Variants in NOSTRIN observed in about 807,000 individuals in gnomAD.
NOSTRIN encodes the protein BM247 homolog.
A neutral mutation model predicts 59.0 loss-of-function variants in NOSTRIN; 63 were observed. That is an observed-to-expected ratio of 1.07 (90% CI 0.87 to 1.32). The LOEUF (loss-of-function observed/expected upper bound fraction) is 1.32, where lower values mean the gene tolerates loss of function less well. Among genes scored for constraint, NOSTRIN ranks in the 40% most tolerant of loss-of-function variants. NOSTRIN has a pLI of 0.00. For missense variants in NOSTRIN, 512 were observed against 473.1 expected, an observed-to-expected ratio of 1.08 and a Z score of -0.76; for synonymous variants, 200 against 165.4, an observed-to-expected ratio of 1.21 and a Z score of -1.61.
intron 11 of NOSTRIN, chr2:168,855,929 G>A (rs1217214181): frequency 2.2e-6 from 1 of 447,566 alleles, no homozygotes; most frequent in Admixed American, 2.4e-5. Flanking sequence ...AAGCAACAAG[G>A]ATGACAAAAA....
intron 2 of NOSTRIN, among the ~76,000 whole-genome samples, chr2:168,822,819 GA>G: frequency 6.6e-6 from 1 of 152,300 alleles, no homozygotes; most frequent in Middle Eastern, 3.4e-3. Flanking sequence ...GTGCTGCAAA[GA>G]AAGTAATAGA....
At chr2:168,845,519 C>CTA (rs1417817582) in intron 8 of NOSTRIN, among the ~76,000 whole-genome samples, 1 of 152,212 alleles carries the variant, frequency 6.6e-6, no homozygotes, top group African/African-American at 2.4e-5. Context: ...TTAGGGAAGG[C>CTA]TATGATTATC....
intron 2 of NOSTRIN, among the ~76,000 whole-genome samples, chr2:168,824,080 C>CA (rs903727583): frequency 6.6e-6 from 1 of 151,894 alleles, no homozygotes; most frequent in East Asian, 1.9e-4. Context: ...CATCTCAAAA[C>CA]AAAAAACAAA....
At chr2:168,847,281 T>G (rs949501416) in intron 8 of NOSTRIN, among the ~76,000 whole-genome samples, 3 of 152,210 alleles carry the variant, frequency 2.0e-5, no homozygotes, top group Non-Finnish European at 4.4e-5. Flanking sequence ...TAGCAGTCAC[T>G]TCTGGGTGGA....
At chr2:168,850,844 C>G in intron 8 of NOSTRIN, 1 of 792,950 alleles carries the variant, frequency 1.3e-6, no homozygotes, top group Non-Finnish European at 2.1e-6. Context: ...AGGTAACCCA[C>G]AGCATCTGCC....
intron 15 of NOSTRIN, among the ~76,000 whole-genome samples, chr2:168,862,944 A>G (rs761123987): frequency 3.3e-5 from 5 of 152,108 alleles, no homozygotes; most frequent in Non-Finnish European, 5.9e-5. Flanking sequence ...GACACCACAC[A>G]TTTGCTATTT....
chr2:168,862,002 T>C lies in NOSTRIN; in HGVS notation c.1337T>C (p.Leu446Ser). The change falls in exon 15 of 16, where the codon TTG becomes TCG. Residue 446 changes from leucine (L) to serine (S), a missense_variant. By Grantham distance (145) the Leu-to-Ser change is moderately radical. Coordinates refer to ENST00000317647, the MANE Select transcript of NOSTRIN (RefSeq NM_001039724.4). The stretch of plus-strand genomic sequence containing the variant: ...CTCAGCAGCAGACTTTGCAAGGCCT[T>C]GTATTCTTTTCAAGCCAGGCAAGAT... ...AQLSSRLCKA[L>S]YSFQARQDDE... 1 of 1,614,190 alleles carries C rather than the reference T, an allele frequency of 6.2e-7. No individual in the cohort carries two copies. The highest frequency in any genetic ancestry group is 8.5e-7 in the Non-Finnish European group (1 of 1,180,012).
At chr2:168,825,272 G>T (rs1686997259) in intron 3 of NOSTRIN, among the ~76,000 whole-genome samples, 1 of 152,202 alleles carries the variant, frequency 6.6e-6, no homozygotes, top group Admixed American at 6.5e-5. Flanking sequence ...ACTTGAGACA[G>T]AAAGTTCAAG....
intron 1 of NOSTRIN, among the ~76,000 whole-genome samples, chr2:168,803,106 G>A (rs1685675509): frequency 6.6e-6 from 1 of 152,138 alleles, no homozygotes; most frequent in African/African-American, 2.4e-5. Flanking sequence ...ATTTTTTGGA[G>A]TCAAGGATCA....
chr2:168,823,586 T>G (rs1376962233), intron 2 of NOSTRIN, among the ~76,000 whole-genome samples: 1 of 152,176 alleles, frequency 6.6e-6, no homozygotes, highest in African/African-American at 2.4e-5. Context: ...TATGTCCAAA[T>G]TTTCTCTTTA....
chr2:168,816,550 C>T (rs1686416969), intron 2 of NOSTRIN, among the ~76,000 whole-genome samples: 1 of 152,160 alleles, frequency 6.6e-6, no homozygotes, highest in Non-Finnish European at 1.5e-5. Flanking sequence ...GTATTGCCTG[C>T]CTGGTAGATG....
chr2:168,863,031 C>A (rs113729443), intron 15 of NOSTRIN, among the ~76,000 whole-genome samples: 1 of 2,924 alleles, frequency 3.4e-4, no homozygotes, highest in Non-Finnish European at 5.1e-4. Flanking sequence ...GAATAAAAGA[C>A]AGACATACTT....
chr2:168,795,946 G>A (rs184393781), upstream of NOSTRIN, among the ~76,000 whole-genome samples: 1 of 152,180 alleles, frequency 6.6e-6, no homozygotes, highest in Non-Finnish European at 1.5e-5. Context: ...GGCAAAGGCC[G>A]AAACCCTTAA....
At chr2:168,788,424 T>A (rs528283328) in intron 2 of NOSTRIN, among the ~76,000 whole-genome samples, 2 of 152,196 alleles carry the variant, frequency 1.3e-5, no homozygotes, top group South Asian at 4.2e-4. Context: ...GGGAGCCAAA[T>A]TGGGCATGGA....
intron 2 of NOSTRIN, among the ~76,000 whole-genome samples, chr2:168,822,313 G>T (rs1380420512): frequency 6.6e-6 from 1 of 150,938 alleles, no homozygotes. Context: ...TACAAAAAGT[G>T]GTAAAAACAA....
At chr2:168,826,094 C>G (rs1265640855) in intron 3 of NOSTRIN, among the ~76,000 whole-genome samples, 1 of 152,224 alleles carries the variant, frequency 6.6e-6, no homozygotes, top group East Asian at 1.9e-4. Flanking sequence ...TAAAGCCTAT[C>G]TCTTATGGTT....
At chr2:168,858,603 T>TATC (rs1689259013) in intron 12 of NOSTRIN, among the ~76,000 whole-genome samples, 1 of 152,232 alleles carries the variant, frequency 6.6e-6, no homozygotes, top group Non-Finnish European at 1.5e-5. Flanking sequence ...TCTATGAGAC[T>TATC]ATCAAGTGAA....
chr2:168,834,314 G>C lies in NOSTRIN; in HGVS notation c.493G>C (p.Glu165Gln). ...CTCCAAGCAATCTATGACTGAGAAG[G>C]AGAAGCGGAAGGTAAGCTGTCATGG... is the stretch of plus-strand genomic sequence containing the variant. ...ESSKQSMTEKEKRKLLNKLTK... is the reference protein window; with the variant it reads ...ESSKQSMTEKQKRKLLNKLTK... Residue 165 changes from glutamate (E) to glutamine (Q), a missense_variant, in exon 7 of 16, where the codon GAG becomes CAG. Transcript: ENST00000317647. 2 of 872,772 alleles carry C rather than the reference G, an allele frequency of 2.3e-6. No individual in the cohort carries two copies. Among genetic ancestry groups the C allele is most frequent in the South Asian group, 2.6e-5 (2 of 76,512 alleles). The allele number at this position is 872,772 out of a possible 1,614,324, so 54.1% of individuals were successfully genotyped here. A position where few individuals can be genotyped will look rare whatever the true frequency, so the allele number is the denominator to read the frequency against.
upstream of NOSTRIN, among the ~76,000 whole-genome samples, chr2:168,797,424 TAAAC>T (rs915357525): frequency 1.3e-5 from 2 of 152,046 alleles, no homozygotes; most frequent in African/African-American, 2.4e-5. Flanking sequence ...CACAATAAGA[TAAAC>T]AAAGTAAAAG....
Sources: allele counts gnomAD v4.1 joint callset (sites outside exome capture counted in the v4.1 genomes callset), GRCh38; gene constraint gnomAD v4.1.1; transcripts MANE v1.5; gene names NCBI Gene and HGNC (gene_info 2026-07-23, HGNC 2026-07-21).